ASAP2: variants seen among roughly 807,000 people sequenced by gnomAD.
ASAP2 encodes the protein ArfGAP with SH3 domain, ankyrin repeat and PH domain 2.
In ASAP2, 45 loss-of-function variants were observed where a neutral mutation model predicts 131.4. That is an observed-to-expected ratio of 0.34 (90% CI 0.27 to 0.44). The LOEUF is 0.44. Among genes scored for constraint, ASAP2 ranks in the 20% least tolerant of loss-of-function variants. The probability of loss-of-function intolerance (pLI) is 1.00; values close to 1 mark genes in which losing one functional copy is unlikely to be tolerated. For synonymous variants in ASAP2, 510 were observed against 503.0 expected, an observed-to-expected ratio of 1.01 and a Z score of -0.19; for missense variants, 1,011 against 1,297.0, an observed-to-expected ratio of 0.78 and a Z score of 3.39.
At position 9,207,749 on chromosome 2, in the gene ASAP2, G is replaced by T. The variant is rs987955769; in HGVS notation, c.126+519G>T. The stretch of plus-strand genomic sequence containing the variant: ...GGGAAGGCGTGCCCGCCTCAGCCAG[G>T]GCGGCCTGGCTGCGCTCCACCCGTG... On this transcript the variant is annotated intron_variant, in intron 1 of 27. Transcript: ENST00000281419. The surrounding 1 kb of genome is among the most constrained non-coding windows in gnomAD (Gnocchi z 4.1). Among the ~76,000 whole-genome samples, 21 of 152,092 alleles carry T rather than the reference G, an allele frequency of 1.4e-4. No homozygotes were observed. Among genetic ancestry groups the T allele is most frequent in the Admixed American group, 3.9e-4 (6 of 15,278 alleles).
Position 9,217,865 on chromosome 2 carries a change from C to T in ASAP2, c.126+10635C>T, listed in dbSNP as rs1662162599. Among the ~76,000 whole-genome samples, 1 of 151,422 alleles carries T rather than the reference C, an allele frequency of 6.6e-6. No homozygotes were observed. Among genetic ancestry groups the T allele is most frequent in the Non-Finnish European group, 1.5e-5 (1 of 67,910 alleles). ...TCCTGACCTCGTGAGGCACCCACCTCGGCTTCCCAAAGTGCTGGGATTACA... is the reference window on the plus strand; with the variant it reads ...TCCTGACCTCGTGAGGCACCCACCTTGGCTTCCCAAAGTGCTGGGATTACA... On this transcript the variant is annotated intron_variant, in intron 1 of 27. Coordinates refer to ENST00000281419, the MANE Select transcript of ASAP2 (RefSeq NM_003887.3). The surrounding 1 kb of genome is among the most constrained non-coding windows in gnomAD (Gnocchi z 4.0).
At chr2:9,288,275 T>C (rs1009490599) in intron 2 of ASAP2, among the ~76,000 whole-genome samples, 6 of 152,216 alleles carry the variant, frequency 3.9e-5, no homozygotes, top group East Asian at 1.9e-4. Context: ...TCCTCATCTG[T>C]AAAATCCTGC....
At chr2:9,348,912 C>G (rs1672153993) in intron 11 of ASAP2, among the ~76,000 whole-genome samples, 1 of 152,092 alleles carries the variant, frequency 6.6e-6, no homozygotes, top group South Asian at 2.1e-4. Flanking sequence ...CCATGGATAC[C>G]CACGTCGAGG....
At chr2:9,286,447 A>AAATATATATATATATATATAT (rs58605449) in intron 2 of ASAP2, among the ~76,000 whole-genome samples, 13 of 148,416 alleles carry the variant, frequency 8.8e-5, no homozygotes, top group African/African-American at 3.3e-4. Context: ...GAAAAAAAAA[A>AAATATATATATATATATATAT]ATATATATAT....
At position 9,230,247 on chromosome 2, in the gene ASAP2, A is replaced by T. The variant is rs896488491; in HGVS notation, c.126+23017A>T. On this transcript the variant is annotated intron_variant, in intron 1 of 27. Transcript: ENST00000281419. ...CAGTTGCTATTGGCAACACCAAATC[A>T]GTCATAACCTTCAGGAGTGAACAGG... is the stretch of plus-strand genomic sequence containing the variant. 6.6e-5 allele frequency among the ~76,000 whole-genome samples: 10 copies of T among 152,332 alleles called. No homozygotes were observed. The East Asian group carries it at 1.9e-3, about 29-fold the overall frequency.
chr2:9,379,126 C>A, intron 19 of ASAP2, 67 bp downstream of exon 19: 2 of 1,178,184 alleles, frequency 1.7e-6, no homozygotes, highest in Non-Finnish European at 2.3e-6. Flanking sequence ...GTCTGCCATC[C>A]AAGCGCTGCT....
chr2:9,319,414 G>A (rs980779616), intron 4 of ASAP2, among the ~76,000 whole-genome samples: 7 of 152,208 alleles, frequency 4.6e-5, no homozygotes, highest in Non-Finnish European at 1.0e-4. Flanking sequence ...CCCGGAGAGA[G>A]CTGTTCAGAC....
chr2:9,241,014 C>G (rs1663923242), intron 1 of ASAP2, among the ~76,000 whole-genome samples: 1 of 152,194 alleles, frequency 6.6e-6, no homozygotes, highest in Non-Finnish European at 1.5e-5. Flanking sequence ...GATTTCATCT[C>G]TTGACATAGA....
intron 5 of ASAP2, 132 bp downstream of exon 5, chr2:9,320,469 G>T: frequency 1.5e-6 from 1 of 668,508 alleles, no homozygotes; most frequent in South Asian, 1.9e-5. Context: ...CCATGTTGCT[G>T]TGGTTCATTT....
At chr2:9,218,770 C>G (rs985757379) in intron 1 of ASAP2, among the ~76,000 whole-genome samples, 8 of 152,234 alleles carry the variant, frequency 5.3e-5, no homozygotes, top group African/African-American at 1.7e-4. Flanking sequence ...CAACACTTCC[C>G]CTGCCTCTTG....
At chr2:9,383,357 C>T (rs949277270) in intron 20 of ASAP2, among the ~76,000 whole-genome samples, 7 of 152,022 alleles carry the variant, frequency 4.6e-5, no homozygotes, top group African/African-American at 1.7e-4. Flanking sequence ...TGAGCTCAAG[C>T]GATCCTCTCA....
intron 15 of ASAP2, among the ~76,000 whole-genome samples, chr2:9,359,912 A>G (rs967453940): frequency 2.6e-5 from 4 of 152,200 alleles, no homozygotes; most frequent in Admixed American, 6.5e-5. Flanking sequence ...TACAGTTTAA[A>G]ACTAAGCTAG....
chr2:9,283,840 T>C (rs1667288472), intron 2 of ASAP2, among the ~76,000 whole-genome samples: 1 of 152,128 alleles, frequency 6.6e-6, no homozygotes, highest in Non-Finnish European at 1.5e-5. Flanking sequence ...CTTTCTCCTC[T>C]TATAAGGACC....
intron 3 of ASAP2, among the ~76,000 whole-genome samples, chr2:9,309,912 A>G (rs1274091080): frequency 6.6e-6 from 1 of 152,216 alleles, no homozygotes; most frequent in Non-Finnish European, 1.5e-5. Context: ...TCCAAAGCCC[A>G]CTTTCCGCTC....
intron 1 of ASAP2, among the ~76,000 whole-genome samples, chr2:9,230,704 G>A (rs1199200023): frequency 6.6e-6 from 1 of 152,244 alleles, no homozygotes; most frequent in Non-Finnish European, 1.5e-5. Context: ...GAGCAGATAT[G>A]TGCAAGGCAA....
At chr2:9,396,450 A>G (rs1362602045) in intron 24 of ASAP2, among the ~76,000 whole-genome samples, 2 of 151,796 alleles carry the variant, frequency 1.3e-5, no homozygotes, top group Non-Finnish European at 2.9e-5. Context: ...ATTTATTTTT[A>G]TATTTTGTAG....
At chr2:9,380,000 A>T (rs991645288) in intron 19 of ASAP2, among the ~76,000 whole-genome samples, 8 of 150,176 alleles carry the variant, frequency 5.3e-5, no homozygotes, top group African/African-American at 1.8e-4. Context: ...CAAAAAAAAA[A>T]AAATAAATAA....
chr2:9,355,056 T>C (rs1347842461), intron 12 of ASAP2, among the ~76,000 whole-genome samples: 3 of 152,218 alleles, frequency 2.0e-5, no homozygotes, highest in Non-Finnish European at 1.5e-5. Flanking sequence ...AGCTTTCCCT[T>C]CTGTTAACAT....
At chr2:9,227,301 G>A (rs981968404) in intron 1 of ASAP2, among the ~76,000 whole-genome samples, 4 of 152,268 alleles carry the variant, frequency 2.6e-5, no homozygotes, top group African/African-American at 9.6e-5. Flanking sequence ...GCGCCCCTGT[G>A]CCCTGCAGTG....
Sources: allele counts gnomAD v4.1 joint callset (sites outside exome capture counted in the v4.1 genomes callset), GRCh38; gene constraint gnomAD v4.1.1; non-coding constraint Gnocchi (gnomAD v3.1); transcripts MANE v1.5; gene names NCBI Gene and HGNC (gene_info 2026-07-23, HGNC 2026-07-21).